The following FNBP1 variants were observed in gnomAD, a reference collection of about 807,000 sequenced individuals.
The protein encoded by FNBP1 is formin binding protein 1, also known as formin-binding protein 1.
A neutral mutation model predicts 90.6 loss-of-function variants in FNBP1; 26 were observed. The ratio of observed to expected loss-of-function variants is 0.29; its 90% CI spans 0.21 to 0.40. The LOEUF (loss-of-function observed/expected upper bound fraction) is 0.40, where lower values mean the gene tolerates loss of function less well. FNBP1 is among the 10% of genes least tolerant of loss of function. The probability of loss-of-function intolerance (pLI) is 1.00; values close to 1 mark genes in which losing one functional copy is unlikely to be tolerated. For synonymous variants in FNBP1, 260 were observed against 265.2 expected (o/e 0.98, Z 0.19); for missense variants, 635 against 768.0 (o/e 0.83, Z 2.05).
chr9:130,004,671 A>C (rs1029285544), intron 1 of FNBP1, among the ~76,000 whole-genome samples: 2 of 152,232 alleles, frequency 1.3e-5, no homozygotes, highest in Non-Finnish European at 2.9e-5. Context: ...AGATTTACTC[A>C]AAGAGTAACT....
At chr9:129,978,421 T>G in intron 4 of FNBP1, 44 bp downstream of exon 4, 7 of 1,534,358 alleles carry the variant, frequency 4.6e-6, no homozygotes, top group Non-Finnish European at 6.3e-6. Context: ...TCCCACTGTG[T>G]TTGGTCCATC....
chr9:130,036,047 C>T (rs1301450082), intron 1 of FNBP1, among the ~76,000 whole-genome samples: 4 of 151,816 alleles, frequency 2.6e-5, no homozygotes, highest in African/African-American at 7.3e-5. Context: ...TTTAACTAAA[C>T]ACATTACTAG....
chr9:129,890,161 A>G lies in FNBP1; in HGVS notation c.*378T>C, dbSNP rs967354023. 2 of 372,264 alleles carry G rather than the reference A, an allele frequency of 5.4e-6. No individual in the cohort carries two copies. The highest frequency in any genetic ancestry group is 9.8e-6 in the Non-Finnish European group (2 of 203,418). The allele number at this position is 372,264 out of a possible 1,614,324, so 23.1% of individuals were successfully genotyped here. ...GTCTCCTCAGGGGACCCGTGATGAC[A>G]CTTTCACAAAAGGCACTGTGTGAAG... On this transcript the variant is annotated 3_prime_UTR_variant, in exon 17 of 17. Coordinates refer to ENST00000446176, the MANE Select transcript of FNBP1 (RefSeq NM_015033.3). This position sits in a 1 kb window ranked among gnomAD's most constrained non-coding sequence, Gnocchi z 5.8.
chr9:129,893,846 G>A (rs1408150379), intron 16 of FNBP1, among the ~76,000 whole-genome samples: 1 of 148,108 alleles, frequency 6.8e-6, no homozygotes, highest in African/African-American at 2.5e-5. Context: ...AACTCAGGAG[G>A]CAGAGGTTGC....
At chr9:130,040,199 T>C (rs528186084) in intron 1 of FNBP1, among the ~76,000 whole-genome samples, 48 of 152,372 alleles carry the variant, frequency 3.2e-4, no homozygotes, top group African/African-American at 1.1e-3. Context: ...CTAAGCCTTA[T>C]ACATCTTTGC....
At chr9:129,987,619 C>T (rs2052488167) in intron 2 of FNBP1, among the ~76,000 whole-genome samples, 1 of 151,936 alleles carries the variant, frequency 6.6e-6, no homozygotes, top group African/African-American at 2.4e-5. Context: ...TGGCTCACTG[C>T]AACCTCTGCC....
At chr9:130,013,429 A>G (rs2056869724) in intron 1 of FNBP1, among the ~76,000 whole-genome samples, 1 of 152,222 alleles carries the variant, frequency 6.6e-6, no homozygotes, top group African/African-American at 2.4e-5. Context: ...CATATCCATC[A>G]GTCTGGTAAA....
intron 4 of FNBP1, among the ~76,000 whole-genome samples, chr9:129,975,902 TAAAAAAAAAAAAA>T (rs34630525): frequency 6.8e-5 from 5 of 73,922 alleles, no homozygotes; most frequent in Non-Finnish European, 1.2e-4. Context: ...GACTCCATCT[TAAAAAAAAAAAAA>T]AAAAAAAAAG....
chr9:130,002,958 G>A (rs750915497), intron 1 of FNBP1, among the ~76,000 whole-genome samples: 3 of 152,118 alleles, frequency 2.0e-5, no homozygotes, highest in Non-Finnish European at 2.9e-5. Context: ...GTTATGAGAC[G>A]CTGAATAAAC....
At chr9:129,942,070 A>C (rs1014441711) in intron 6 of FNBP1, among the ~76,000 whole-genome samples, 1 of 118,938 alleles carries the variant, frequency 8.4e-6, no homozygotes, top group Non-Finnish European at 1.8e-5. Context: ...CTCTGTCTCC[A>C]AAAAAAAAAA....
chr9:129,929,389 G>A (rs998930283), intron 7 of FNBP1, among the ~76,000 whole-genome samples, 178 bp downstream of exon 7: 10 of 115,072 alleles, frequency 8.7e-5, no homozygotes, highest in African/African-American at 3.1e-4. Context: ...CAGCCTGGGT[G>A]ACAAAGCAAG....
At chr9:129,893,996 C>T (rs187816680) in intron 16 of FNBP1, among the ~76,000 whole-genome samples, 133 of 151,566 alleles carry the variant, frequency 8.8e-4, no homozygotes, top group African/African-American at 2.6e-3. Flanking sequence ...TCTTGAAACA[C>T]GGCCCCTAGC....
intron 6 of FNBP1, among the ~76,000 whole-genome samples, chr9:129,937,153 G>A (rs1029096637): frequency 2.1e-5 from 3 of 144,952 alleles, no homozygotes; most frequent in African/African-American, 5.1e-5. Context: ...CTGGGGGACA[G>A]AGTGAGACTC....
At position 129,914,755 on chromosome 9, in the gene FNBP1, G is replaced by GTGTATATATATATATATATA. The variant is rs71499203; in HGVS notation, c.1185+1210_1185+1211insTATATATATATATATATACA. On this transcript the variant is annotated intron_variant, in intron 11 of 16. Coordinates refer to ENST00000446176, the MANE Select transcript of FNBP1 (RefSeq NM_015033.3). The stretch of plus-strand genomic sequence containing the variant: ...AAAAATTATGTATATACATACATAT[G>GTGTATATATATATATATATA]TCTATATATATATATATATATATAT... Among the ~76,000 whole-genome samples, 18 of 98,436 alleles carry GTGTATATATATATATATATA rather than the reference G, an allele frequency of 1.8e-4. 1 individual carries two copies. Among genetic ancestry groups the GTGTATATATATATATATATA allele is most frequent in the South Asian group, 6.5e-4 (2 of 3,060 alleles). The allele number at this position is 98,436 out of a possible 152,430, so 64.6% of individuals were successfully genotyped here. A position where few individuals can be genotyped will look rare whatever the true frequency, so the allele number is the denominator to read the frequency against.
intron 6 of FNBP1, among the ~76,000 whole-genome samples, chr9:129,941,151 G>A (rs2132328006): frequency 6.6e-6 from 1 of 152,100 alleles, no homozygotes; most frequent in South Asian, 2.1e-4. Context: ...CACTTTGGGA[G>A]GCTGAGGCGG....
Position 129,887,723 on chromosome 9 carries a change from C to A in FNBP1, c.*2816G>T, listed in dbSNP as rs2034835628. On this transcript the variant is annotated 3_prime_UTR_variant, in exon 17 of 17. Transcript: ENST00000446176. ...TACAAAGGAAAAACTGGGTAAAGGA[C>A]AAGTTCCTCCCTTTCACTGCGTTTC... 1 of 223,918 alleles carries A rather than the reference C, an allele frequency of 4.5e-6. No individual in the cohort carries two copies. The highest frequency in any genetic ancestry group is 2.2e-5 in the African/African-American group (1 of 44,920). 13.9% of individuals were successfully genotyped at this position (223,918 alleles called of 1,614,324 possible). A position where few individuals can be genotyped will look rare whatever the true frequency, so the allele number is the denominator to read the frequency against.
rs546244550 is a variant in FNBP1, at chr9:130,031,908, C to T, written c.24+11044G>A. The stretch of plus-strand genomic sequence containing the variant: ...CAAACTCCTGACCTCATGATCTGCC[C>T]GACTCGGCCTTCCAAAGTGCTGGTA... On this transcript the variant is annotated intron_variant, in intron 1 of 16. Coordinates refer to ENST00000446176, the MANE Select transcript of FNBP1 (RefSeq NM_015033.3). This position sits in a 1 kb window ranked among gnomAD's most constrained non-coding sequence, Gnocchi z 4.2. Among the ~76,000 whole-genome samples the T allele has an allele frequency of 6.6e-6, 1 of 152,182 alleles. No individual in the cohort carries two copies. The highest frequency in any genetic ancestry group is 1.9e-4 in the East Asian group (1 of 5,162).
chr9:129,984,384 T>G (rs2051799565), intron 2 of FNBP1, among the ~76,000 whole-genome samples: 1 of 152,174 alleles, frequency 6.6e-6, no homozygotes, highest in African/African-American at 2.4e-5. Context: ...GGGTGCTGAC[T>G]CCTTCCTCCC....
intron 1 of FNBP1, among the ~76,000 whole-genome samples, chr9:130,010,763 T>C (rs2056445013): frequency 2.0e-5 from 1 of 49,176 alleles, no homozygotes; most frequent in Admixed American, 1.6e-4. Context: ...TTTCTTTGGG[T>C]CTTTTTTTTT....
Sources: gnomAD v4.1 joint callset for allele counts (sites outside exome capture counted in the v4.1 genomes callset) on GRCh38, gnomAD v4.1.1 for gene constraint, Gnocchi (gnomAD v3.1) non-coding constraint, MANE v1.5 for transcripts, NCBI Gene and HGNC (gene_info 2026-07-23, HGNC 2026-07-21) for gene names.